Variants in PIK3AP1 observed in about 807,000 individuals in gnomAD.
PIK3AP1 encodes the protein phosphoinositide 3-kinase adapter protein 1.
A neutral mutation model predicts 88.1 loss-of-function variants in PIK3AP1; 21 were observed. The ratio of observed to expected loss-of-function variants is 0.24; its 90% CI spans 0.17 to 0.34. PIK3AP1 has a LOEUF of 0.34. PIK3AP1 is among the 10% of genes least tolerant of loss of function. PIK3AP1 has a pLI of 1.00. For synonymous variants in PIK3AP1, 398 were observed against 400.0 expected, an observed-to-expected ratio of 1.00 and a Z score of 0.06; for missense variants, 828 against 1,035.7, an observed-to-expected ratio of 0.80 and a Z score of 2.75.
At chr10:96,706,796 G>T in intron 2 of PIK3AP1, among the ~76,000 whole-genome samples, 1 of 152,142 alleles carries the variant, frequency 6.6e-6, no homozygotes, top group East Asian at 1.9e-4. Context: ...AAAAAAATCA[G>T]GAATATGGCC....
Position 96,677,205 on chromosome 10 carries a change from T to C in PIK3AP1, c.431-20271A>G, listed in dbSNP as rs375834518. 3.3e-5 allele frequency among the ~76,000 whole-genome samples: 5 copies of C among 152,284 alleles called. No individual in the cohort carries two copies. The East Asian group carries it at 9.6e-4, about 29-fold the overall frequency. On this transcript the variant is annotated intron_variant, in intron 2 of 16. Coordinates refer to ENST00000339364, the MANE Select transcript of PIK3AP1 (RefSeq NM_152309.3). The stretch of plus-strand genomic sequence containing the variant: ...CCGATTCAGCCATCTTCTGCCCCCG[T>C]GACACATAAAAGTATTGGCAAACTC...
intron 13 of PIK3AP1, among the ~76,000 whole-genome samples, chr10:96,613,588 G>A (rs768981185): frequency 6.6e-6 from 1 of 152,162 alleles, no homozygotes; most frequent in African/African-American, 2.4e-5. Flanking sequence ...AGTCGGGGAT[G>A]GGGGCTGGAG....
At chr10:96,635,936 G>A (rs758454187) in intron 8 of PIK3AP1, among the ~76,000 whole-genome samples, 101 of 151,886 alleles carry the variant, frequency 6.6e-4, no homozygotes, top group Non-Finnish European at 1.2e-3. Flanking sequence ...GGCCGGGCAC[G>A]GTGGCTCACG....
intron 8 of PIK3AP1, among the ~76,000 whole-genome samples, chr10:96,629,675 C>T (rs1186937727): frequency 2.5e-5 from 3 of 120,118 alleles, no homozygotes; most frequent in East Asian, 4.7e-4. Context: ...CCTAGGAGTT[C>T]GAGTCCAGCC....
At chr10:96,633,119 T>C (rs1314657107) in intron 8 of PIK3AP1, 5 of 1,500,610 alleles carry the variant, frequency 3.3e-6, no homozygotes, top group South Asian at 2.6e-5. Context: ...AGGGTCACCA[T>C]GAGAGGTATG....
At chr10:96,715,486 T>C (rs1285676420) in intron 1 of PIK3AP1, among the ~76,000 whole-genome samples, 3 of 152,208 alleles carry the variant, frequency 2.0e-5, no homozygotes, top group Non-Finnish European at 4.4e-5. Flanking sequence ...CACACTAATG[T>C]AAGATGTCAA....
intron 12 of PIK3AP1, among the ~76,000 whole-genome samples, chr10:96,617,265 C>T (rs1296761414): frequency 1.3e-5 from 2 of 152,192 alleles, no homozygotes; most frequent in East Asian, 3.9e-4. Flanking sequence ...ATCCTGCCAT[C>T]TGGCCCATTG....
rs1433385344 is a variant in PIK3AP1 at position 96,652,755 on chromosome 10, A to C, written c.655T>G (p.Ser219Ala). The change falls in exon 4 of 17, where the codon TCT becomes GCT. Residue 219 changes from serine (S) to alanine (A), a missense_variant. By Grantham distance (99) the Ser-to-Ala change is moderately conservative (BLOSUM62 1). Transcript: ENST00000339364. ...EAEFSPEDSP[S>A]VRMEAKVENE... ...TCCACCTTGGCTTCCATCCTTACAG[A>C]GGGAGAATCCTCAGGAGAAAACTCT... 6.2e-7 allele frequency: 1 copy of C among 1,614,140 alleles called. No homozygotes were observed. Among genetic ancestry groups the C allele is most frequent in the South Asian group, 1.1e-5 (1 of 91,080 alleles).
chr10:96,715,697 T>C (rs1273722947), intron 1 of PIK3AP1, among the ~76,000 whole-genome samples: 1 of 152,044 alleles, frequency 6.6e-6, no homozygotes, highest in Non-Finnish European at 1.5e-5. Context: ...GAGACCATCC[T>C]GGCTAACATG....
chr10:96,618,348 T>C (rs1843027193), intron 12 of PIK3AP1, among the ~76,000 whole-genome samples: 1 of 152,222 alleles, frequency 6.6e-6, no homozygotes, highest in Non-Finnish European at 1.5e-5. Flanking sequence ...GATTTACCTT[T>C]CTGCAACAAT....
chr10:96,609,883 AG>A lies in PIK3AP1; in HGVS notation c.2015-17del. 6.2e-7 allele frequency: 1 copy of A among 1,613,596 alleles called. No individual in the cohort carries two copies. The highest frequency in any genetic ancestry group is 8.5e-7 in the Non-Finnish European group (1 of 1,179,542). On this transcript the variant is annotated splice_polypyrimidine_tract_variant and intron_variant, in intron 13 of 16. Transcript: ENST00000339364. ...ATCTCCAAGTCTGGAATTGGAGGAA[AG>A]AGGGATAAGCTGTCAAGATACCAGA...
At chr10:96,617,455 G>C (rs1200390657) in intron 12 of PIK3AP1, among the ~76,000 whole-genome samples, 1 of 152,144 alleles carries the variant, frequency 6.6e-6, no homozygotes, top group Admixed American at 6.5e-5. Context: ...AAGGGGGGTT[G>C]GTCTGCAGCT....
rs577787980 is a variant in PIK3AP1 at position 96,688,597 on chromosome 10, G to A, written c.430+20970C>T. 2.6e-5 allele frequency among the ~76,000 whole-genome samples: 4 copies of A among 152,212 alleles called. No homozygotes were observed. In the South Asian group the frequency reaches 8.3e-4, roughly 32 times the overall value. On this transcript the variant is annotated intron_variant, in intron 2 of 16. Coordinates refer to ENST00000339364, the MANE Select transcript of PIK3AP1 (RefSeq NM_152309.3). Reference sequence around the variant, plus strand: ...GTGGATTACTTGAGGTCAGGAGTTCGAGACCAGCCTGGCCAACATGGTGAA... The same window carrying A: ...GTGGATTACTTGAGGTCAGGAGTTCAAGACCAGCCTGGCCAACATGGTGAA...
intron 6 of PIK3AP1, among the ~76,000 whole-genome samples, chr10:96,650,947 C>T (rs534924723): frequency 6.6e-6 from 1 of 152,226 alleles, no homozygotes; most frequent in South Asian, 2.1e-4. Context: ...CTCATGCTAT[C>T]CCTATGAGGA....
At chr10:96,671,581 T>C (rs1177706597) in intron 2 of PIK3AP1, among the ~76,000 whole-genome samples, 1 of 152,164 alleles carries the variant, frequency 6.6e-6, no homozygotes, top group Non-Finnish European at 1.5e-5. Flanking sequence ...TTACTGACAC[T>C]GAAGTCAGGG....
chr10:96,661,832 A>C (rs200202394), intron 2 of PIK3AP1, among the ~76,000 whole-genome samples: 2,666 of 144,922 alleles, frequency 0.018, 196 homozygotes, highest in Admixed American at 0.13. Flanking sequence ...CAGGACAGGA[A>C]AGGAAAGGGA....
intron 2 of PIK3AP1, among the ~76,000 whole-genome samples, chr10:96,701,373 C>T (rs1844296000): frequency 6.6e-6 from 1 of 152,174 alleles, no homozygotes; most frequent in African/African-American, 2.4e-5. Flanking sequence ...GCCCTGTGTT[C>T]CAAAGTGAGT....
At position 96,628,430 on chromosome 10, in the gene PIK3AP1, G is replaced by A. The variant is rs1843182697; in HGVS notation, c.1439C>T (p.Thr480Ile). The A allele has an allele frequency of 3.1e-6, 5 of 1,613,386 alleles. No individual in the cohort carries two copies. The highest frequency in any genetic ancestry group is 4.5e-5 in the East Asian group (2 of 44,886). ...PIPGDGFSRATKDSMIRKFLE... is the reference protein window; with the variant it reads ...PIPGDGFSRAIKDSMIRKFLE... Reference sequence around the variant, plus strand: ...AAACTTGCGGATCATAGAGTCCTTAGTGGCCCGAGAGAAACCATCTCCAGG... The same window carrying A: ...AAACTTGCGGATCATAGAGTCCTTAATGGCCCGAGAGAAACCATCTCCAGG... The change falls in exon 9 of 17, where the codon ACT (threonine) becomes ATT (isoleucine). Residue 480 changes from threonine to isoleucine, a missense_variant. By Grantham distance (89) the Thr-to-Ile change is moderately conservative. Transcript: ENST00000339364.
chr10:96,652,983 C>T, intron 3 of PIK3AP1, 141 bp from the exon 4 acceptor site: 1 of 921,178 alleles, frequency 1.1e-6, no homozygotes. Flanking sequence ...TGGTCCAGTG[C>T]TGGGCAGTGA....
Sources: gnomAD v4.1 joint callset for allele counts (sites outside exome capture counted in the v4.1 genomes callset) on GRCh38, gnomAD v4.1.1 for gene constraint, MANE v1.5 for transcripts, NCBI Gene and HGNC (gene_info 2026-07-23, HGNC 2026-07-21) for gene names.